ZMIZ1: variants seen among roughly 807,000 people sequenced by gnomAD.
ZMIZ1 encodes the protein zinc finger MIZ domain-containing protein 1.
ZMIZ1 carries 17 observed loss-of-function variants against 113.9 expected under a neutral mutation model. That is an observed-to-expected ratio of 0.15 (90% confidence interval 0.10 to 0.22). The LOEUF is 0.22. ZMIZ1 is among the 10% of genes least tolerant of loss of function. The pLI is 1.00. For synonymous variants in ZMIZ1, 607 were observed against 603.1 expected (o/e 1.01, Z -0.09); for missense variants, 1,059 against 1,477.8 (o/e 0.72, Z 4.65).
rs773974744 is a variant in ZMIZ1 at position 79,297,577 on chromosome 10, G to GC, written c.1414-30dup. ...AGAGCGGGCTTCTGATGGCTTTTCT[G>GC]CCCCCCACTCAGTGTTGTTTATCTT... On this transcript the variant is annotated intron_variant, in intron 13 of 24. Coordinates refer to ENST00000334512, the MANE Select transcript of ZMIZ1 (RefSeq NM_020338.4). 3.8e-6 allele frequency: 6 copies of GC among 1,589,780 alleles called. No homozygotes were observed. The Admixed American group carries it at 5.0e-5, about 13-fold the overall frequency.
At position 79,298,087 on chromosome 10, in the gene ZMIZ1, C is replaced by T. The variant is rs140698379; in HGVS notation, c.1492-319C>T. Among the ~76,000 whole-genome samples, 472 of 152,252 alleles carry T rather than the reference C, an allele frequency of 3.1e-3. 1 individual carries two copies. Among genetic ancestry groups the T allele is most frequent in the African/African-American group, 0.011 (454 of 41,552 alleles). ...TGGGCTTCATTCCCGCTGTCCTGTC[C>T]TCCAAGGGTTGTGCTGAGCAAGTCC... On this transcript the variant is annotated intron_variant, in intron 14 of 24. Transcript: ENST00000334512.
At chr10:79,098,277 C>T (rs966956872) in intron 1 of ZMIZ1, among the ~76,000 whole-genome samples, 2 of 152,144 alleles carry the variant, frequency 1.3e-5, no homozygotes, top group East Asian at 1.9e-4. Context: ...TTTGGCCAGG[C>T]CAGGCCCCAG....
intron 7 of ZMIZ1, among the ~76,000 whole-genome samples, chr10:79,241,688 G>C (rs1405478992): frequency 1.3e-5 from 2 of 152,212 alleles, no homozygotes; most frequent in African/African-American, 2.4e-5. Context: ...GGTGGGATTA[G>C]AGCCTGCTAA....
chr10:79,295,871 C>T (rs1026743200), intron 12 of ZMIZ1: 1 of 152,422 alleles, frequency 6.6e-6, no homozygotes, highest in Non-Finnish European at 1.5e-5. Flanking sequence ...GCTCTCTCCT[C>T]TTCTCTAAAT....
intron 9 of ZMIZ1, 140 bp from the exon 10 acceptor site, chr10:79,290,819 T>C: frequency 1.0e-6 from 1 of 957,452 alleles, no homozygotes; most frequent in Non-Finnish European, 1.6e-6. Context: ...GAATAGTTCA[T>C]CCACCCTCCA....
chr10:79,163,328 C>T (rs1036391495), intron 4 of ZMIZ1, among the ~76,000 whole-genome samples: 2 of 152,252 alleles, frequency 1.3e-5, no homozygotes, highest in Admixed American at 1.3e-4. Context: ...CAGGAAATCC[C>T]AGCTGTCTGC....
intron 4 of ZMIZ1, among the ~76,000 whole-genome samples, chr10:79,182,065 T>C (rs1441099577): frequency 6.6e-6 from 1 of 152,230 alleles, no homozygotes; most frequent in East Asian, 1.9e-4. Flanking sequence ...TCCCTGGTTC[T>C]GTTTGGGCTG....
chr10:79,306,585 C>T (rs1854716042), intron 22 of ZMIZ1, among the ~76,000 whole-genome samples: 1 of 152,214 alleles, frequency 6.6e-6, no homozygotes, highest in African/African-American at 2.4e-5. Context: ...CCCACACCCA[C>T]CCGAGTTCTT....
At chr10:79,302,913 G>A (rs1175702442) in intron 18 of ZMIZ1, among the ~76,000 whole-genome samples, 1 of 148,600 alleles carries the variant, frequency 6.7e-6, no homozygotes, top group Non-Finnish European at 1.5e-5. Flanking sequence ...CCAGGCTGGA[G>A]TGCAGTGGTG....
intron 16 of ZMIZ1, among the ~76,000 whole-genome samples, chr10:79,300,083 G>A (rs777048346): frequency 2.6e-5 from 4 of 152,212 alleles, no homozygotes; most frequent in East Asian, 1.9e-4. Context: ...TGGTGTGGGC[G>A]TTCAGAACAC....
intron 1 of ZMIZ1, among the ~76,000 whole-genome samples, chr10:79,083,462 G>A (rs1842722575): frequency 6.6e-6 from 1 of 152,192 alleles, no homozygotes; most frequent in South Asian, 2.1e-4. Flanking sequence ...TCAGGGACCA[G>A]GTGATAAGGG....
At chr10:79,238,167 C>G (rs908530919) in intron 7 of ZMIZ1, among the ~76,000 whole-genome samples, 9 of 152,176 alleles carry the variant, frequency 5.9e-5, no homozygotes, top group African/African-American at 1.9e-4. Flanking sequence ...TCAGAATCCT[C>G]TCTTCTCCTC....
intron 4 of ZMIZ1, among the ~76,000 whole-genome samples, chr10:79,198,311 G>A (rs2132641491): frequency 6.6e-6 from 1 of 152,316 alleles, no homozygotes; most frequent in South Asian, 2.1e-4. Flanking sequence ...GTACAGATGA[G>A]CAAGTGGAGA....
At chr10:79,258,219 T>C (rs772084275) in intron 7 of ZMIZ1, among the ~76,000 whole-genome samples, 3 of 152,006 alleles carry the variant, frequency 2.0e-5, no homozygotes, top group Non-Finnish European at 4.4e-5. Context: ...TCATCTCTAC[T>C]AAGAATCAAA....
At chr10:79,108,437 T>C (rs1843629831) in intron 1 of ZMIZ1, among the ~76,000 whole-genome samples, 1 of 152,184 alleles carries the variant, frequency 6.6e-6, no homozygotes, top group African/African-American at 2.4e-5. Context: ...AGGGTGCCAA[T>C]TGCTGGGAGA....
In ZMIZ1 at chr10:79,314,150, G is replaced by A. The variant is rs184960762; in HGVS notation, c.*1401G>A. On this transcript the variant is annotated 3_prime_UTR_variant, in exon 25 of 25. Coordinates refer to ENST00000334512, the MANE Select transcript of ZMIZ1 (RefSeq NM_020338.4). ...AGCAGCCTCTGGCCTTCCCTCCACC[G>A]CTTTGCTCCATCTGGCTTACCACTC... The A allele has an allele frequency of 6.1e-5, 28 of 456,972 alleles. No homozygotes were observed. Among genetic ancestry groups the A allele is most frequent in the East Asian group, 3.4e-4 (5 of 14,536 alleles). The allele number at this position is 456,972 out of a possible 1,614,324, so 28.3% of individuals were successfully genotyped here.
intron 7 of ZMIZ1, among the ~76,000 whole-genome samples, chr10:79,225,569 A>C (rs1849166508): frequency 6.6e-6 from 1 of 151,968 alleles, no homozygotes; most frequent in African/African-American, 2.4e-5. Context: ...TCTACAAAAA[A>C]ATTTTTTTAA....
chr10:79,141,071 A>G (rs572644668), intron 3 of ZMIZ1, among the ~76,000 whole-genome samples: 1 of 152,306 alleles, frequency 6.6e-6, no homozygotes, highest in East Asian at 1.9e-4. Flanking sequence ...CTCAGATCCC[A>G]GAGCCAGACT....
At chr10:79,283,346 C>T (rs1852859141) in intron 8 of ZMIZ1, among the ~76,000 whole-genome samples, 1 of 152,188 alleles carries the variant, frequency 6.6e-6, no homozygotes, top group South Asian at 2.1e-4. Context: ...TACTTACCCT[C>T]CTTGTGCCTC....
Sources: gnomAD v4.1 joint callset for allele counts (sites outside exome capture counted in the v4.1 genomes callset) on GRCh38, gnomAD v4.1.1 for gene constraint, MANE v1.5 for transcripts, NCBI Gene and HGNC (gene_info 2026-07-23, HGNC 2026-07-21) for gene names.